Variants in CRB1 observed in about 807,000 individuals in gnomAD.
CRB1 encodes the protein protein crumbs homolog 1.
Under a neutral mutation model 120.0 loss-of-function variants are expected in CRB1, and 83 were observed. That is an observed-to-expected ratio of 0.69 (90% confidence interval 0.58 to 0.83). CRB1 has a LOEUF of 0.83. CRB1 is among the 40% of genes least tolerant of loss of function. The pLI, the probability that CRB1 is intolerant of heterozygous loss-of-function variation, is 0.00. For missense variants in CRB1, 1,699 were observed against 1,687.6 expected (o/e 1.01, Z -0.12); for synonymous variants, 625 against 612.5 (o/e 1.02, Z -0.30).
At chr1:197,426,747 C>CT (rs1664602752) in intron 6 of CRB1, among the ~76,000 whole-genome samples, 1 of 152,086 alleles carries the variant, frequency 6.6e-6, no homozygotes, top group African/African-American at 2.4e-5. Flanking sequence ...AAGGGTCCTT[C>CT]TTTTTCCTTG....
chr1:197,224,422 C>G, the CRB1 span, among the ~76,000 whole-genome samples: 1 of 152,136 alleles, frequency 6.6e-6, no homozygotes, highest in African/African-American at 2.4e-5. Flanking sequence ...GTCAGTATAT[C>G]AAAATAGTCA....
At chr1:197,372,253 A>T (rs1045438059) in intron 5 of CRB1, among the ~76,000 whole-genome samples, 1 of 152,124 alleles carries the variant, frequency 6.6e-6, no homozygotes, top group African/African-American at 2.4e-5. Flanking sequence ...ACCAATCATC[A>T]TCTTAACTTT....
At chr1:197,416,963 C>T (rs1025651713) in intron 5 of CRB1, among the ~76,000 whole-genome samples, 3 of 152,182 alleles carry the variant, frequency 2.0e-5, no homozygotes, top group Non-Finnish European at 4.4e-5. Context: ...CCGCCTGGGC[C>T]TCCAAAGTGC....
intron 1 of CRB1, among the ~76,000 whole-genome samples, chr1:197,314,502 C>G (rs1657729341): frequency 6.6e-6 from 1 of 151,920 alleles, no homozygotes; most frequent in South Asian, 2.1e-4. Flanking sequence ...AATATTTATA[C>G]TTTTTTCTTG....
the CRB1 span, among the ~76,000 whole-genome samples, chr1:197,214,442 T>C: frequency 6.6e-6 from 1 of 152,152 alleles, no homozygotes; most frequent in Admixed American, 6.6e-5. Context: ...TATTCACAAG[T>C]TCCACAGGGC....
chr1:197,408,750 C>A (rs1663545857), intron 5 of CRB1, among the ~76,000 whole-genome samples: 1 of 152,162 alleles, frequency 6.6e-6, no homozygotes, highest in Admixed American at 6.5e-5. Flanking sequence ...AAGAGCAGAG[C>A]CCTTTCTGAT....
At chr1:197,452,479 T>G (rs979420341) in intron 11 of CRB1, among the ~76,000 whole-genome samples, 2 of 152,218 alleles carry the variant, frequency 1.3e-5, no homozygotes, top group Non-Finnish European at 2.9e-5. Context: ...GAGTCTGGCT[T>G]GATTTCGTGA....
At chr1:197,341,528 G>A (rs556046955) in intron 2 of CRB1, among the ~76,000 whole-genome samples, 2 of 150,786 alleles carry the variant, frequency 1.3e-5, no homozygotes, top group African/African-American at 4.8e-5. Context: ...AGATGAGTGA[G>A]ACTCCATCTC....
chr1:197,440,567 A>G (rs1021197931), intron 10 of CRB1: 25 of 152,242 alleles, frequency 1.6e-4, no homozygotes, highest in African/African-American at 6.0e-4. Flanking sequence ...AACCTCTAAT[A>G]AAAATGCCAA....
the CRB1 span, among the ~76,000 whole-genome samples, chr1:197,241,975 T>C: frequency 6.6e-6 from 1 of 152,222 alleles, no homozygotes; most frequent in African/African-American, 2.4e-5. Flanking sequence ...AATTCACTCA[T>C]GATTTGGCTC....
At chr1:197,460,001 CTTTT>C (rs10679172) in intron 11 of CRB1, among the ~76,000 whole-genome samples, 3 of 75,614 alleles carry the variant, frequency 4.0e-5, no homozygotes, top group African/African-American at 1.3e-4. Context: ...AAGCCCCCCT[CTTTT>C]TTTTTTTTTT....
intron 5 of CRB1, among the ~76,000 whole-genome samples, chr1:197,417,173 A>G (rs1473721540): frequency 1.3e-5 from 2 of 152,188 alleles, no homozygotes; most frequent in Non-Finnish European, 2.9e-5. Flanking sequence ...GAGTGACCAT[A>G]GCTTCCAGGA....
intron 1 of CRB1, among the ~76,000 whole-genome samples, chr1:197,306,075 G>A (rs950922244): frequency 1.3e-5 from 2 of 152,016 alleles, no homozygotes; most frequent in Non-Finnish European, 2.9e-5. Flanking sequence ...GCCTGGAAAC[G>A]AACAGCACCA....
chr1:197,444,712 T>C (rs938878928), intron 11 of CRB1: 18 of 152,250 alleles, frequency 1.2e-4, no homozygotes, highest in African/African-American at 4.3e-4. Context: ...GGTATCTGAC[T>C]TTAAAAAATG....
At chr1:197,250,288 C>A in the CRB1 span, among the ~76,000 whole-genome samples, 1 of 151,890 alleles carries the variant, frequency 6.6e-6, no homozygotes, top group African/African-American at 2.4e-5. Flanking sequence ...GCATTATTTT[C>A]TTAATGTTTT....
At chr1:197,451,126 C>CAATAGA (rs1263521860) in intron 11 of CRB1, among the ~76,000 whole-genome samples, 4 of 152,016 alleles carry the variant, frequency 2.6e-5, no homozygotes, top group African/African-American at 9.7e-5. Flanking sequence ...GGAAACATTC[C>CAATAGA]AATAGAATCT....
At chr1:197,283,370 T>A (rs1655644557) in intron 1 of CRB1, among the ~76,000 whole-genome samples, 1 of 151,696 alleles carries the variant, frequency 6.6e-6, no homozygotes, top group East Asian at 1.9e-4. Flanking sequence ...ACCCAATGTG[T>A]AGTCTGTTAT....
intron 1 of CRB1, among the ~76,000 whole-genome samples, chr1:197,279,462 A>G (rs908340568): frequency 2.6e-5 from 4 of 151,566 alleles, no homozygotes; most frequent in African/African-American, 9.7e-5. Flanking sequence ...AACTCAAATA[A>G]TTATAGATGT....
At chr1:197,472,001 T>G (rs1284702408) in intron 11 of CRB1, among the ~76,000 whole-genome samples, 1 of 152,210 alleles carries the variant, frequency 6.6e-6, no homozygotes, top group African/African-American at 2.4e-5. Context: ...AGATGGAAGA[T>G]AAATATTCCA....
Sources: gnomAD v4.1 joint callset for allele counts (sites outside exome capture counted in the v4.1 genomes callset) on GRCh38, gnomAD v4.1.1 for gene constraint, MANE v1.5 for transcripts, NCBI Gene and HGNC (gene_info 2026-07-23, HGNC 2026-07-21) for gene names.